The following FBLN2 variants were observed in gnomAD, a reference collection of about 807,000 sequenced individuals.
FBLN2 encodes the protein fibulin-2.
FBLN2 carries 81 observed loss-of-function variants against 123.7 expected under a neutral mutation model. That is an observed-to-expected ratio of 0.65 (90% CI 0.55 to 0.79). FBLN2 has a LOEUF of 0.79. Among genes scored for constraint, FBLN2 ranks in the 30% least tolerant of loss-of-function variants. FBLN2 has a pLI of 0.00. For missense variants in FBLN2, 1,603 were observed against 1,681.3 expected (o/e 0.95, Z 0.81); for synonymous variants, 699 against 701.4 (o/e 1.00, Z 0.05).
chr3:13,590,175 A>C (rs988343900), intron 2 of FBLN2, among the ~76,000 whole-genome samples: 1 of 151,970 alleles, frequency 6.6e-6, no homozygotes, highest in Non-Finnish European at 1.5e-5. Context: ...CTTGCCAATT[A>C]TTTTTTATTT....
Position 13,609,539 on chromosome 3 carries a change from C to A in FBLN2, c.1445C>A (p.Ser482Tyr). 6.4e-7 allele frequency: 1 copy of A among 1,551,646 alleles called. No individual in the cohort carries two copies. The highest frequency in any genetic ancestry group is 8.7e-7 in the Non-Finnish European group (1 of 1,147,224). ...ACAGCCCAGAGGCACTGCTGTGTCT[C>A]CTACTTGCAGGAGAAGAGCTGCATG... ...CRTAQRHCCV[S>Y]YLQEKSCMAG... The change falls in exon 4 of 18, where the codon TCC (serine) becomes TAC (tyrosine). Residue 482 changes from serine (S) to tyrosine (Y), a missense_variant. Physicochemically the swap from Ser to Tyr is moderately radical, Grantham distance 144 (BLOSUM62 -2). Transcript: ENST00000404922.
chr3:13,624,212 C>T (rs1007507099), intron 9 of FBLN2, among the ~76,000 whole-genome samples: 3 of 152,204 alleles, frequency 2.0e-5, no homozygotes, highest in Admixed American at 6.5e-5. Flanking sequence ...CATGGCTGTC[C>T]GTGTGACTCT....
chr3:13,620,464 G>A (rs1324432554), intron 8 of FBLN2, among the ~76,000 whole-genome samples: 1 of 152,208 alleles, frequency 6.6e-6, no homozygotes, highest in Non-Finnish European at 1.5e-5. Context: ...GAAGGACACT[G>A]GTGATGATTA....
At chr3:13,593,067 T>C (rs2124858597) in intron 2 of FBLN2, among the ~76,000 whole-genome samples, 1 of 152,362 alleles carries the variant, frequency 6.6e-6, no homozygotes, top group East Asian at 1.9e-4. Context: ...TGCCATATCC[T>C]GTTGTCCAGG....
intron 2 of FBLN2, among the ~76,000 whole-genome samples, chr3:13,598,264 ATG>A (rs1226914132): frequency 3.3e-5 from 5 of 152,250 alleles, no homozygotes; most frequent in Non-Finnish European, 5.9e-5. Flanking sequence ...GCTATTTGCC[ATG>A]CAATGAGTCT....
Position 13,608,073 on chromosome 3 carries a change from G to T in FBLN2, c.1318G>T (p.Asp440Tyr). The change falls in exon 3 of 18, where the codon GAC becomes TAC. Residue 440 changes from aspartate (D) to tyrosine (Y), a missense_variant. Transcript: ENST00000404922. ...GTTGCTATCCACAGGCTCCACCAAG[G>T]ACCTGATCGAGACTTGCTGCGCAGC... is the stretch of plus-strand genomic sequence containing the variant. ...PRSSPEGSTK[D>Y]LIETCCAAGQ... 6.3e-7 allele frequency: 1 copy of T among 1,582,434 alleles called. No individual in the cohort carries two copies. Among genetic ancestry groups the T allele is most frequent in the East Asian group, 2.3e-5 (1 of 43,028 alleles).
chr3:13,601,261 T>C (rs1054046072), intron 2 of FBLN2, among the ~76,000 whole-genome samples: 1 of 151,884 alleles, frequency 6.6e-6, no homozygotes, highest in Non-Finnish European at 1.5e-5. Context: ...TTGGAAGAGG[T>C]TTAGGGAGGA....
chr3:13,602,667 G>C (rs1705071225), intron 2 of FBLN2, among the ~76,000 whole-genome samples: 1 of 152,066 alleles, frequency 6.6e-6, no homozygotes, highest in Non-Finnish European at 1.5e-5. Flanking sequence ...CTTTTGAATG[G>C]GAATTTTTTC....
chr3:13,550,855 G>C (rs967846512), intron 1 of FBLN2, among the ~76,000 whole-genome samples: 1 of 152,202 alleles, frequency 6.6e-6, no homozygotes, highest in Non-Finnish European at 1.5e-5. Context: ...GGCTGTGGCT[G>C]GCCCTGCATG....
chr3:13,629,480 C>T (rs1706177266), intron 13 of FBLN2, among the ~76,000 whole-genome samples, 188 bp downstream of exon 13: 1 of 152,040 alleles, frequency 6.6e-6, no homozygotes, highest in Non-Finnish European at 1.5e-5. Flanking sequence ...CTGGCCCCCG[C>T]CCCCACCTTC....
Position 13,609,650 on chromosome 3 carries a change from T to C in FBLN2, c.1548+8T>C. 9.0e-7 allele frequency: 1 copy of C among 1,105,870 alleles called. No homozygotes were observed. The highest frequency in any genetic ancestry group is 1.2e-6 in the Non-Finnish European group (1 of 828,316). The allele number at this position is 1,105,870 out of a possible 1,614,324, so 68.5% of individuals were successfully genotyped here. A position where few individuals can be genotyped will look rare whatever the true frequency, so the allele number is the denominator to read the frequency against. ...GGCATCTCCCTGTACAAGGCAAGCC[T>C]GACCTGTGGCCTTCAAGGCAGGGTG... On this transcript the variant is annotated splice_region_variant and intron_variant, in intron 4 of 17. Coordinates refer to ENST00000404922, the MANE Select transcript of FBLN2 (RefSeq NM_001004019.2).
In FBLN2 at chr3:13,568,852, G is replaced by C. The variant is rs983245382; in HGVS notation, c.-41-1463G>C. On this transcript the variant is annotated intron_variant, in intron 1 of 17. Transcript: ENST00000404922. ...CTCCACCCCTGAGGGTGTCAGTGCT[G>C]TGAGGACGCTGGGAACCTGTCTTGC... 7 of 985,588 alleles carry C rather than the reference G, an allele frequency of 7.1e-6. No homozygotes were observed. In the African/African-American group the frequency reaches 1.2e-4, roughly 17 times the overall value. The allele number at this position is 985,588 out of a possible 1,614,324, so 61.1% of individuals were successfully genotyped here.
chr3:13,620,093 G>T (rs963903928), intron 8 of FBLN2, among the ~76,000 whole-genome samples: 1 of 152,070 alleles, frequency 6.6e-6, no homozygotes, highest in Admixed American at 6.5e-5. Context: ...GTGTCGCTCC[G>T]CATTTCCCGG....
At position 13,629,086 on chromosome 3, in the gene FBLN2, C is replaced by G. The variant is rs1706156559; in HGVS notation, c.2713+38C>G. The stretch of plus-strand genomic sequence containing the variant: ...GCCTCCGCCCTGCCAGCCAGCCCGG[C>G]CTGCCCGCTTCCCCACCCCTGGGAG... On this transcript the variant is annotated intron_variant, in intron 12 of 17. Coordinates refer to ENST00000404922, the MANE Select transcript of FBLN2 (RefSeq NM_001004019.2). 1.9e-6 allele frequency: 3 copies of G among 1,612,858 alleles called. No individual in the cohort carries two copies. In the East Asian group the frequency reaches 6.7e-5, roughly 36 times the overall value.
At chr3:13,626,365 G>T in intron 9 of FBLN2, 80 bp from the exon 10 acceptor site, 1 of 1,402,070 alleles carries the variant, frequency 7.1e-7, no homozygotes, top group African/African-American at 1.4e-5. Context: ...TCTCCCTCCT[G>T]GTGGCCCAAG....
At chr3:13,609,257 T>G (rs1256299247) in intron 3 of FBLN2, among the ~76,000 whole-genome samples, 1 of 152,218 alleles carries the variant, frequency 6.6e-6, no homozygotes, top group Non-Finnish European at 1.5e-5. Flanking sequence ...GGGTGGGGAC[T>G]CTGATGCCAA....
In FBLN2 at chr3:13,637,942, G is replaced by A. The variant is rs556247082; in HGVS notation, c.*23G>A. The A allele has an allele frequency of 1.4e-5, 21 of 1,554,492 alleles. No individual in the cohort carries two copies. Among genetic ancestry groups the A allele is most frequent in the African/African-American group, 2.7e-5 (2 of 73,866 alleles). Reference sequence around the variant, plus strand: ...TGAGGTGCCAGCACGGGCCACCTGCGGGTGTGGCGCAGCCCAGGGCTCACA... The same window carrying A: ...TGAGGTGCCAGCACGGGCCACCTGCAGGTGTGGCGCAGCCCAGGGCTCACA... On this transcript the variant is annotated 3_prime_UTR_variant, in exon 18 of 18. Coordinates refer to ENST00000404922, the MANE Select transcript of FBLN2 (RefSeq NM_001004019.2).
rs367760110 is a variant in FBLN2 at position 13,614,146 on chromosome 3, G to A, written c.1711G>A (p.Ala571Thr). The A allele has an allele frequency of 2.1e-4, 342 of 1,612,166 alleles. No homozygotes were observed. Among genetic ancestry groups the A allele is most frequent in the Non-Finnish European group, 2.7e-4 (316 of 1,179,836 alleles). ...TGAGGTTCGCCGACCTCCAGAGCCC[G>A]CAGCTGCACCACGGAGAGGTGAGTG... is the stretch of plus-strand genomic sequence containing the variant. Reference protein sequence around the residue: ...VPEVRRPPEPAAAPRRVSEAE... With the variant: ...VPEVRRPPEPTAAPRRVSEAE... Residue 571 changes from alanine (A) to threonine (T), a missense_variant, in exon 5 of 18, where the codon GCA (alanine) becomes ACA (threonine). Coordinates refer to ENST00000404922, the MANE Select transcript of FBLN2 (RefSeq NM_001004019.2).
At chr3:13,576,324 A>G (rs1173675009) in intron 2 of FBLN2, among the ~76,000 whole-genome samples, 2 of 152,210 alleles carry the variant, frequency 1.3e-5, no homozygotes, top group African/African-American at 4.8e-5. Flanking sequence ...GATATCACAC[A>G]GGCCTCTCTT....
Sources: gnomAD v4.1 joint callset for allele counts (sites outside exome capture counted in the v4.1 genomes callset) on GRCh38, gnomAD v4.1.1 for gene constraint, MANE v1.5 for transcripts, NCBI Gene and HGNC (gene_info 2026-07-23, HGNC 2026-07-21) for gene names.